ZC3H18: variants seen among roughly 807,000 people sequenced by gnomAD.
The protein encoded by ZC3H18 is zinc finger CCCH domain-containing protein 18.
Under a neutral mutation model 106.1 loss-of-function variants are expected in ZC3H18, and 8 were observed. The ratio of observed to expected loss-of-function variants is 0.08; its 90% confidence interval spans 0.04 to 0.14. ZC3H18 has a LOEUF of 0.14. ZC3H18 is among the 10% of genes least tolerant of loss of function. ZC3H18 has a pLI of 1.00. For synonymous variants in ZC3H18, 635 were observed against 522.1 expected (o/e 1.22, Z -2.95); for missense variants, 1,318 against 1,278.4 (o/e 1.03, Z -0.47).
intron 6 of ZC3H18, among the ~76,000 whole-genome samples, chr16:88,600,711 C>A (rs918022232): frequency 2.0e-5 from 3 of 152,236 alleles, no homozygotes; most frequent in Non-Finnish European, 4.4e-5. Context: ...CTGCACCCAG[C>A]CCCTTTATGC....
intron 2 of ZC3H18, among the ~76,000 whole-genome samples, chr16:88,583,318 C>T (rs1458580931): frequency 6.6e-6 from 1 of 152,244 alleles, no homozygotes; most frequent in African/African-American, 2.4e-5. Context: ...CTGTTTAGCA[C>T]GTTACCAGTG....
intron 15 of ZC3H18, chr16:88,628,518 G>C: frequency 3.6e-6 from 2 of 563,288 alleles, no homozygotes; most frequent in South Asian, 4.1e-5. Context: ...TGGCCCCCGT[G>C]GGGAGCAGGA....
Position 88,582,430 on chromosome 16 carries a change from G to A in ZC3H18, c.604-4170G>A, listed in dbSNP as rs1273838733. Reference sequence around the variant, plus strand: ...AGTAGAAATGGGTTTCACCATCTTGGCCAGGCTGGTCTTGACCTCCTGACC... The same window carrying A: ...AGTAGAAATGGGTTTCACCATCTTGACCAGGCTGGTCTTGACCTCCTGACC... On this transcript the variant is annotated intron_variant, in intron 2 of 17. Coordinates refer to ENST00000301011, the MANE Select transcript of ZC3H18 (RefSeq NM_144604.4). Among the ~76,000 whole-genome samples the A allele has an allele frequency of 3.3e-5, 5 of 151,840 alleles. No homozygotes were observed. The East Asian group carries it at 9.6e-4, about 29-fold the overall frequency.
chr16:88,612,503 A>T (rs771540861), intron 8 of ZC3H18, among the ~76,000 whole-genome samples: 43 of 128,250 alleles, frequency 3.4e-4, no homozygotes, highest in Middle Eastern at 3.8e-3. Flanking sequence ...ATCTCTATTT[A>T]AAAAAAAAAA....
chr16:88,589,190 A>G (rs780617249), intron 3 of ZC3H18, among the ~76,000 whole-genome samples: 1 of 152,238 alleles, frequency 6.6e-6, no homozygotes, highest in Non-Finnish European at 1.5e-5. Context: ...TGGCAAGGAT[A>G]TGGAGATGTT....
intron 2 of ZC3H18, among the ~76,000 whole-genome samples, chr16:88,579,687 C>T (rs1304767614): frequency 6.6e-6 from 1 of 152,176 alleles, no homozygotes; most frequent in Admixed American, 6.5e-5. Context: ...CTTGCCTGCC[C>T]TGCCTGGCAC....
At position 88,609,153 on chromosome 16, in the gene ZC3H18, T is replaced by C. The variant is rs562467887; in HGVS notation, c.1206+102T>C. 1.4e-4 allele frequency: 127 copies of C among 928,472 alleles called. No individual in the cohort carries two copies. The African/African-American group carries it at 1.9e-3, about 14-fold the overall frequency. 57.5% of individuals were successfully genotyped at this position (928,472 alleles called of 1,614,324 possible). A position where few individuals can be genotyped will look rare whatever the true frequency, so the allele number is the denominator to read the frequency against. ...AAATACAGGGCTTTATATGAGCTTATAGAGCCAGCACAATGTACCAATTTG... is the reference window on the plus strand; with the variant it reads ...AAATACAGGGCTTTATATGAGCTTACAGAGCCAGCACAATGTACCAATTTG... On this transcript the variant is annotated intron_variant, in intron 7 of 17. Coordinates refer to ENST00000301011, the MANE Select transcript of ZC3H18 (RefSeq NM_144604.4).
At chr16:88,601,433 C>G (rs1165960278) in intron 6 of ZC3H18, among the ~76,000 whole-genome samples, 2 of 152,190 alleles carry the variant, frequency 1.3e-5, no homozygotes, top group African/African-American at 4.8e-5. Flanking sequence ...TGATCCTTGA[C>G]ACTCTATTTC....
rs1904557796 is a variant in ZC3H18, at chr16:88,598,340, C to T, written c.837+14C>T. 1.9e-6 allele frequency: 3 copies of T among 1,588,086 alleles called. No homozygotes were observed. In the East Asian group the frequency reaches 6.7e-5, roughly 36 times the overall value. The stretch of plus-strand genomic sequence containing the variant: ...GCCAACCCTTGGGTGCGTGATGCCT[C>T]TTCTTTCATTGTTAGCACATCAGCC... On this transcript the variant is annotated intron_variant, in intron 4 of 17. Transcript: ENST00000301011.
In ZC3H18 at chr16:88,599,975, C is replaced by A. The variant is rs747071783; in HGVS notation, c.1088+27C>A. The A allele has an allele frequency of 5.0e-6, 8 of 1,610,824 alleles. No individual in the cohort carries two copies. The South Asian group carries it at 8.8e-5, about 18-fold the overall frequency. ...TAAGGAATGGCCCTGCCTGCCCCTC[C>A]GTTTCCTTCCTGCATGCGGCCACGC... On this transcript the variant is annotated intron_variant, in intron 6 of 17. Coordinates refer to ENST00000301011, the MANE Select transcript of ZC3H18 (RefSeq NM_144604.4).
rs1197287872 is a variant in ZC3H18, at chr16:88,586,626, G to C, written c.630G>C (p.Val210=). ...IDDDDLEEGE[V]KDPSDRKVRP... is the part of the protein sequence containing the mutation. ...ATGATGACCTGGAAGAAGGTGAAGTGAAGGACCCCAGTGACAGGAAGGTGA... is the reference window on the plus strand; with the variant it reads ...ATGATGACCTGGAAGAAGGTGAAGTCAAGGACCCCAGTGACAGGAAGGTGA... Residue 210 remains valine, a synonymous_variant, in exon 3 of 18, where the codon GTG becomes GTC. Transcript: ENST00000301011. 6.2e-7 allele frequency: 1 copy of C among 1,614,216 alleles called. No individual in the cohort carries two copies. Among genetic ancestry groups the C allele is most frequent in the East Asian group, 2.2e-5 (1 of 44,888 alleles).
chr16:88,586,732 C>T (rs1241853372), intron 3 of ZC3H18, 48 bp downstream of exon 3: 4 of 1,501,230 alleles, frequency 2.7e-6, no homozygotes, highest in Non-Finnish European at 3.7e-6. Context: ...GGGGCCCCAC[C>T]TTCTGGGGCT....
At chr16:88,593,040 TAAC>T (rs771583402) in intron 3 of ZC3H18, among the ~76,000 whole-genome samples, 35 of 152,314 alleles carry the variant, frequency 2.3e-4, no homozygotes, top group African/African-American at 7.9e-4. Context: ...AGTAAGAGAT[TAAC>T]AACAATAGCC....
intron 2 of ZC3H18, among the ~76,000 whole-genome samples, chr16:88,583,699 G>A (rs72809428): frequency 0.15 from 23,393 of 152,160 alleles, 1,812 homozygotes; most frequent in East Asian, 0.24. Flanking sequence ...GTGGAGACCC[G>A]GCTTCAGATG....
rs908877812 is a variant in ZC3H18, at chr16:88,627,490, C to T, written c.2109-132C>T. ...GTAACCCTGAAACTGCCCAGTGTCC[C>T]CCCAAAATCACACATTCCGTGGGTA... On this transcript the variant is annotated intron_variant, in intron 13 of 17. Transcript: ENST00000301011. The surrounding 1 kb of genome is among the most constrained non-coding windows in gnomAD (Gnocchi z 4.5). 5.4e-6 allele frequency: 7 copies of T among 1,291,916 alleles called. No homozygotes were observed. In the African/African-American group the frequency reaches 8.9e-5, roughly 16 times the overall value. 80.0% of individuals were successfully genotyped at this position (1,291,916 alleles called of 1,614,324 possible).
chr16:88,616,288 C>T (rs1265422932), intron 8 of ZC3H18, among the ~76,000 whole-genome samples: 5 of 152,234 alleles, frequency 3.3e-5, no homozygotes, highest in South Asian at 2.1e-4. Context: ...TGGGCCGAGC[C>T]GCTCTTCCCA....
At chr16:88,608,769 A>C in intron 6 of ZC3H18, 165 bp from the exon 7 acceptor site, 1 of 563,234 alleles carries the variant, frequency 1.8e-6, no homozygotes, top group Non-Finnish European at 3.3e-6. Flanking sequence ...GCCTGCTCTT[A>C]GATGTAGTTT....
intron 3 of ZC3H18, among the ~76,000 whole-genome samples, chr16:88,595,151 CAAAAAAACAAA>C (rs1904362199): frequency 6.6e-6 from 1 of 152,000 alleles, no homozygotes; most frequent in African/African-American, 2.4e-5. Context: ...AACTCCATCT[CAAAAAAACAAA>C]AACAAAACAA....
chr16:88,625,403 T>A (rs982440180), intron 13 of ZC3H18, 136 bp downstream of exon 13: 18 of 1,078,014 alleles, frequency 1.7e-5, no homozygotes, highest in Admixed American at 1.1e-4. Context: ...CCTGGGGCTG[T>A]GGAAGGCTGC....
Sources: gnomAD v4.1 joint callset for allele counts (sites outside exome capture counted in the v4.1 genomes callset) on GRCh38, gnomAD v4.1.1 for gene constraint, Gnocchi (gnomAD v3.1) non-coding constraint, MANE v1.5 for transcripts, NCBI Gene and HGNC (gene_info 2026-07-23, HGNC 2026-07-21) for gene names.